RELN: variants seen among roughly 807,000 people sequenced by gnomAD.
RELN encodes reelin.
In RELN, 108 loss-of-function variants were observed where a neutral mutation model predicts 427.6. That is an observed-to-expected ratio of 0.25 (90% confidence interval 0.22 to 0.30). The LOEUF (loss-of-function observed/expected upper bound fraction) is 0.30, where lower values mean the gene tolerates loss of function less well. Ranked by LOEUF, RELN falls within the 10% of genes least tolerant of loss-of-function variation. The pLI is 1.00. For synonymous variants in RELN, 1,524 were observed against 1,513.4 expected (o/e 1.01, Z -0.16); for missense variants, 3,715 against 4,302.8 (o/e 0.86, Z 3.82).
intron 24 of RELN, among the ~76,000 whole-genome samples, chr7:103,599,242 GTCTT>G (rs913565275): frequency 2.6e-5 from 4 of 151,952 alleles, no homozygotes; most frequent in African/African-American, 9.7e-5. Flanking sequence ...TTTCCCAATT[GTCTT>G]TCTTTTTTTT....
At chr7:103,507,429 A>G (rs1829252764) in intron 51 of RELN, among the ~76,000 whole-genome samples, 1 of 152,222 alleles carries the variant, frequency 6.6e-6, no homozygotes, top group African/African-American at 2.4e-5. Context: ...CTCCTGAATG[A>G]CTACTGGGTA....
chr7:103,864,183 C>T (rs1284212251), intron 2 of RELN, among the ~76,000 whole-genome samples: 1 of 152,194 alleles, frequency 6.6e-6, no homozygotes, highest in African/African-American at 2.4e-5. Flanking sequence ...CTTAAACACA[C>T]CTATAATGCA....
intron 3 of RELN, among the ~76,000 whole-genome samples, chr7:103,827,660 A>G (rs1169106134): frequency 6.6e-6 from 1 of 151,984 alleles, no homozygotes; most frequent in East Asian, 1.9e-4. Flanking sequence ...CTTATGGGGA[A>G]GTGAGAACTA....
intron 11 of RELN, among the ~76,000 whole-genome samples, chr7:103,677,855 G>C (rs548566133): frequency 5.5e-4 from 82 of 149,194 alleles, no homozygotes; most frequent in African/African-American, 1.9e-3. Flanking sequence ...TGATTCCTTC[G>C]TGCAGCATCC....
rs558477808 is a variant in RELN, at chr7:103,983,542, T to C, written c.226+5589A>G. Among the ~76,000 whole-genome samples, 9 of 152,360 alleles carry C rather than the reference T, an allele frequency of 5.9e-5. No homozygotes were observed. In the East Asian group the frequency reaches 1.7e-3, roughly 29 times the overall value. ...TATTTGAAAATTCAATTCGAGTATC[T>C]GAAATAGGGCTTTTAAAACGCTTTT... On this transcript the variant is annotated intron_variant, in intron 1 of 64. Transcript: ENST00000428762.
chr7:103,739,580 G>C (rs759343601), intron 6 of RELN, among the ~76,000 whole-genome samples: 15 of 152,218 alleles, frequency 9.9e-5, no homozygotes, highest in African/African-American at 2.9e-4. Flanking sequence ...CAGAGGTATA[G>C]TGCTTGTGGT....
intron 62 of RELN, among the ~76,000 whole-genome samples, chr7:103,483,256 A>C (rs775668207): frequency 6.6e-6 from 1 of 152,222 alleles, no homozygotes; most frequent in Non-Finnish European, 1.5e-5. Context: ...TGTGACAGAC[A>C]CTGTGCTAGA....
intron 6 of RELN, among the ~76,000 whole-genome samples, chr7:103,746,402 T>C (rs989833075): frequency 7.2e-5 from 11 of 151,938 alleles, no homozygotes; most frequent in South Asian, 2.1e-4. Context: ...GCAACAAAAG[T>C]CAAAATTGAC....
At chr7:103,505,997 G>T (rs1829197238) in intron 51 of RELN, among the ~76,000 whole-genome samples, 1 of 152,262 alleles carries the variant, frequency 6.6e-6, no homozygotes, top group African/African-American at 2.4e-5. Context: ...ATCAGAGAAT[G>T]AAGATCAAAT....
chr7:103,480,955 C>G (rs976689550), intron 63 of RELN, among the ~76,000 whole-genome samples: 1 of 152,152 alleles, frequency 6.6e-6, no homozygotes, highest in Non-Finnish European at 1.5e-5. Context: ...AAATATGGAG[C>G]TTGATGCTGG....
chr7:103,483,974 G>A (rs1238312729), intron 61 of RELN, 124 bp from the exon 62 acceptor site: 3 of 944,882 alleles, frequency 3.2e-6, no homozygotes, highest in African/African-American at 3.3e-5. Flanking sequence ...CTGCCTACTG[G>A]GTTCAAGCGA....
At chr7:103,517,508 T>C (rs1285612910) in intron 49 of RELN, among the ~76,000 whole-genome samples, 1 of 152,226 alleles carries the variant, frequency 6.6e-6, no homozygotes. Flanking sequence ...ATTAGACAGT[T>C]ATGCTTTTAC....
chr7:103,679,337 C>T (rs929853492), intron 11 of RELN, among the ~76,000 whole-genome samples: 3 of 152,196 alleles, frequency 2.0e-5, no homozygotes, highest in Admixed American at 6.5e-5. Context: ...TGTAGCCTGA[C>T]GTCCTGGCCA....
chr7:103,849,274 G>A (rs564385666), intron 2 of RELN, among the ~76,000 whole-genome samples: 8 of 151,658 alleles, frequency 5.3e-5, no homozygotes, highest in African/African-American at 9.7e-5. Flanking sequence ...TCCCCACTCC[G>A]GTCAACCGAT....
At chr7:103,849,358 C>A (rs1297178385) in intron 2 of RELN, among the ~76,000 whole-genome samples, 1 of 152,154 alleles carries the variant, frequency 6.6e-6, no homozygotes, top group African/African-American at 2.4e-5. Flanking sequence ...CTCACCACTG[C>A]ATTATTTCAG....
chr7:103,948,512 A>C (rs1796264467), intron 1 of RELN, among the ~76,000 whole-genome samples: 1 of 152,066 alleles, frequency 6.6e-6, no homozygotes, highest in Admixed American at 6.5e-5. Context: ...GTCTCTACTA[A>C]AAATACAAAA....
chr7:103,922,665 T>C (rs553235932), intron 1 of RELN, among the ~76,000 whole-genome samples: 35 of 152,310 alleles, frequency 2.3e-4, no homozygotes, highest in African/African-American at 7.0e-4. Context: ...GAGTCAGTTA[T>C]TATCTATTAT....
chr7:103,778,415 A>C (rs1791800403), intron 3 of RELN, among the ~76,000 whole-genome samples: 1 of 152,180 alleles, frequency 6.6e-6, no homozygotes, highest in Non-Finnish European at 1.5e-5. Flanking sequence ...GCAATGTTTA[A>C]ATAACTGTTC....
intron 2 of RELN, among the ~76,000 whole-genome samples, chr7:103,892,255 A>C (rs900759837): frequency 6.6e-6 from 1 of 152,140 alleles, no homozygotes; most frequent in African/African-American, 2.4e-5. Context: ...TCAGGAACCG[A>C]ATGACTATGT....
Sources: gnomAD v4.1 joint callset for allele counts (sites outside exome capture counted in the v4.1 genomes callset) on GRCh38, gnomAD v4.1.1 for gene constraint, MANE v1.5 for transcripts, NCBI Gene and HGNC (gene_info 2026-07-23, HGNC 2026-07-21) for gene names.